MCTP1: variants seen among roughly 807,000 people sequenced by gnomAD.
The protein encoded by MCTP1 is multiple C2 and transmembrane domain containing 1, also known as multiple C2 and transmembrane domain-containing protein 1.
A neutral mutation model predicts 120.6 loss-of-function variants in MCTP1; 69 were observed. That is an observed-to-expected ratio of 0.57 (90% confidence interval 0.47 to 0.70). The LOEUF (loss-of-function observed/expected upper bound fraction) is 0.70. MCTP1 is among the 30% of genes least tolerant of loss of function. The pLI is 0.00. For missense variants in MCTP1, 1,203 were observed against 1,248.8 expected (o/e 0.96, Z 0.55); for synonymous variants, 529 against 493.1 (o/e 1.07, Z -0.96).
chr5:94,729,282 G>A (rs376243804), intron 19 of MCTP1, among the ~76,000 whole-genome samples: 5 of 152,302 alleles, frequency 3.3e-5, no homozygotes, highest in East Asian at 3.9e-4. Context: ...GCAGAGGGAC[G>A]TTACTGAAGC....
In MCTP1 at chr5:94,808,066, T is replaced by G. The variant is rs10067307; in HGVS notation, c.2437-8934A>C. ...TTTCTTTAAAACATGCCCAAAGTAC[T>G]GGAGGTGAACCCCTTATGCCCATTT... On this transcript the variant is annotated intron_variant, in intron 17 of 22. Coordinates refer to ENST00000515393, the MANE Select transcript of MCTP1 (RefSeq NM_024717.7). Among the ~76,000 whole-genome samples, 668 of 152,312 alleles carry G rather than the reference T, an allele frequency of 4.4e-3. 6 individuals are homozygous for G. Among genetic ancestry groups the G allele is most frequent in the African/African-American group, 0.016 (646 of 41,584 alleles).
intron 17 of MCTP1, among the ~76,000 whole-genome samples, chr5:94,802,487 A>G (rs2153033081): frequency 6.6e-6 from 1 of 152,232 alleles, no homozygotes; most frequent in South Asian, 2.1e-4. Flanking sequence ...TAGCTCATTC[A>G]CTCCACACTA....
chr5:94,762,728 T>C (rs958748778), intron 19 of MCTP1, among the ~76,000 whole-genome samples: 3 of 152,212 alleles, frequency 2.0e-5, no homozygotes, highest in African/African-American at 7.2e-5. Context: ...TTTTCTGATC[T>C]CAGTTTCTTC....
chr5:94,946,826 A>G lies in MCTP1; in HGVS notation c.982-4399T>C, dbSNP rs1819055918. 2.0e-5 allele frequency among the ~76,000 whole-genome samples: 3 copies of G among 152,252 alleles called. No homozygotes were observed. The South Asian group carries it at 6.2e-4, about 32-fold the overall frequency. On this transcript the variant is annotated intron_variant, in intron 3 of 22. Transcript: ENST00000515393. ...TGACCACCCACGTGGACATTCCCTT[A>G]AATCCATGTTCGGCATCCTTCTCCC...
At chr5:95,077,573 C>T (rs1251761170) in intron 1 of MCTP1, among the ~76,000 whole-genome samples, 4 of 151,756 alleles carry the variant, frequency 2.6e-5, no homozygotes, top group Admixed American at 2.6e-4. Context: ...CCTGGGTTCA[C>T]GCCATTCTCC....
chr5:95,284,513 C>T lies in MCTP1; in HGVS notation c.63G>A (p.Gln21=). The change falls in exon 1 of 23, where the codon CAG becomes CAA. Residue 21 remains glutamine, a synonymous_variant. Transcript: ENST00000515393. The surrounding 1 kb of genome is among the most constrained non-coding windows in gnomAD (Gnocchi z 5.2). ...PEPPAASSSF[Q]ARLWKNLQLG... ...GCTGCAGGTTCTTCCAGAGCCGGGC[C>T]TGGAAGGAGGAGGACGCCGCCGGCG... 1.3e-6 allele frequency: 2 copies of T among 1,504,496 alleles called. No individual in the cohort carries two copies. Among genetic ancestry groups the T allele is most frequent in the East Asian group, 2.7e-5 (1 of 37,248 alleles). 93.2% of individuals were successfully genotyped at this position (1,504,496 alleles called of 1,614,324 possible). A position where few individuals can be genotyped will look rare whatever the true frequency, so the allele number is the denominator to read the frequency against.
chr5:95,252,649 T>G (rs1340316252), intron 1 of MCTP1, among the ~76,000 whole-genome samples: 1 of 152,164 alleles, frequency 6.6e-6, no homozygotes. Flanking sequence ...AGTCTGGGTC[T>G]AGGATCTACT....
At chr5:94,781,415 T>C (rs1776553677) in intron 18 of MCTP1, among the ~76,000 whole-genome samples, 1 of 152,132 alleles carries the variant, frequency 6.6e-6, no homozygotes, top group African/African-American at 2.4e-5. Flanking sequence ...TCATCTACCC[T>C]TCATATCATT....
chr5:95,003,761 A>C (rs1160948151), intron 2 of MCTP1, among the ~76,000 whole-genome samples: 2 of 152,214 alleles, frequency 1.3e-5, no homozygotes, highest in African/African-American at 4.8e-5. Context: ...CGAGCTGATT[A>C]AACCTCTTTT....
intron 11 of MCTP1, among the ~76,000 whole-genome samples, chr5:94,889,310 C>T (rs575991118): frequency 6.6e-4 from 101 of 152,060 alleles, no homozygotes; most frequent in African/African-American, 2.3e-3. Context: ...AAATTCAGGC[C>T]GGGAGCAGTG....
chr5:94,959,743 C>T (rs1017069081), intron 2 of MCTP1, among the ~76,000 whole-genome samples: 3 of 152,132 alleles, frequency 2.0e-5, no homozygotes, highest in African/African-American at 4.8e-5. Flanking sequence ...AAGAGAACTA[C>T]AAACCACTGC....
intron 1 of MCTP1, among the ~76,000 whole-genome samples, chr5:95,282,429 G>T (rs906281048): frequency 1.6e-4 from 24 of 152,092 alleles, no homozygotes; most frequent in African/African-American, 5.3e-4. Context: ...AGAAAAAAAT[G>T]TAAAGTTCCC....
intron 19 of MCTP1, among the ~76,000 whole-genome samples, chr5:94,720,241 T>C (rs1338722602): frequency 6.6e-6 from 1 of 151,882 alleles, no homozygotes; most frequent in African/African-American, 2.4e-5. Context: ...AGGAAAGAAC[T>C]TTCTAAACAT....
chr5:94,734,677 A>T (rs1271359554), intron 19 of MCTP1, among the ~76,000 whole-genome samples: 1 of 152,148 alleles, frequency 6.6e-6, no homozygotes, highest in Non-Finnish European at 1.5e-5. Context: ...GGTAGGTCTT[A>T]GACTCCCGGC....
chr5:95,001,414 C>T (rs942477550), intron 2 of MCTP1, among the ~76,000 whole-genome samples: 11 of 152,192 alleles, frequency 7.2e-5, no homozygotes, highest in African/African-American at 9.6e-5. Context: ...AGTTTAGAAC[C>T]GCCTGAAGAC....
chr5:95,011,259 G>A (rs909993296), intron 2 of MCTP1, among the ~76,000 whole-genome samples: 17 of 152,150 alleles, frequency 1.1e-4, no homozygotes, highest in African/African-American at 3.9e-4. Flanking sequence ...TATTGTTACT[G>A]GGGTGTTTGT....
intron 2 of MCTP1, among the ~76,000 whole-genome samples, chr5:95,000,347 A>T (rs957645980): frequency 2.0e-5 from 3 of 151,330 alleles, no homozygotes; most frequent in Admixed American, 6.6e-5. Context: ...TCTATTTATT[A>T]AAAAAAAAGT....
At chr5:94,919,095 G>A (rs78861849) in intron 7 of MCTP1, among the ~76,000 whole-genome samples, 1 of 152,136 alleles carries the variant, frequency 6.6e-6, no homozygotes, top group Non-Finnish European at 1.5e-5. Context: ...TAGGTGAAAT[G>A]TATCCTTGGT....
chr5:94,787,756 G>A (rs1393490549), intron 18 of MCTP1, among the ~76,000 whole-genome samples: 1 of 152,112 alleles, frequency 6.6e-6, no homozygotes, highest in East Asian at 1.9e-4. Context: ...AGCTGGGACT[G>A]CAGGTGCCCG....
Sources: gnomAD v4.1 joint callset for allele counts (sites outside exome capture counted in the v4.1 genomes callset) on GRCh38, gnomAD v4.1.1 for gene constraint, Gnocchi (gnomAD v3.1) non-coding constraint, MANE v1.5 for transcripts, NCBI Gene and HGNC (gene_info 2026-07-23, HGNC 2026-07-21) for gene names.